SAMD14: variants seen among roughly 807,000 people sequenced by gnomAD.
SAMD14 encodes the protein sterile alpha motif domain-containing protein 14.
A neutral mutation model predicts 46.2 loss-of-function variants in SAMD14; 27 were observed. The ratio of observed to expected loss-of-function variants is 0.58; its 90% CI spans 0.43 to 0.81. The LOEUF is 0.81. Among genes scored for constraint, SAMD14 ranks in the 30% least tolerant of loss-of-function variants. The pLI, the probability that SAMD14 is intolerant of heterozygous loss-of-function variation, is 0.00. For synonymous variants in SAMD14, 241 were observed against 254.3 expected (o/e 0.95, Z 0.50); for missense variants, 559 against 582.2 (o/e 0.96, Z 0.41).
intron 3 of SAMD14, 119 bp from the exon 4 acceptor site, chr17:50,117,814 T>A: frequency 9.2e-7 from 1 of 1,091,056 alleles, no homozygotes; most frequent in Non-Finnish European, 1.2e-6. Flanking sequence ...AGAGGGAGGG[T>A]TTCCTCATGC....
rs927232428 is a variant in SAMD14, at chr17:50,114,648, C to T, written c.823-342G>A. 5.7e-6 allele frequency: 3 copies of T among 529,070 alleles called. No individual in the cohort carries two copies. The African/African-American group carries it at 5.8e-5, about 10-fold the overall frequency. 32.8% of individuals were successfully genotyped at this position (529,070 alleles called of 1,614,324 possible). A position where few individuals can be genotyped will look rare whatever the true frequency, so the allele number is the denominator to read the frequency against. ...TCTCTGCTATGCGCCTCCCGCCTGG[C>T]CTTAGTACCCCAGCTAATAAGTGCC... On this transcript the variant is annotated intron_variant, in intron 7 of 9. Coordinates refer to ENST00000330175, the MANE Select transcript of SAMD14 (RefSeq NM_001257359.2).
rs549197052 is a variant in SAMD14, at chr17:50,116,034, T to TATC, written c.553_555dup (p.Asp185dup). On this transcript the variant is annotated inframe_insertion, in exon 5 of 10. Transcript: ENST00000330175. ...TCCAGGAACTTTCGGCGAGTCTTCT[T>TATC]ATCGAGGCCGATGGTGGGGCTGGCG... The TATC allele has an allele frequency of 3.1e-4, 505 of 1,614,108 alleles. 6 individuals carry two copies. In the South Asian group the frequency reaches 5.1e-3, roughly 16 times the overall value.
chr17:50,117,322 C>A, intron 4 of SAMD14, 85 bp downstream of exon 4: 1 of 1,229,072 alleles, frequency 8.1e-7, no homozygotes, highest in Non-Finnish European at 1.0e-6. Context: ...GCTGCCCCTT[C>A]CGCGGCTGCG....
At position 50,117,612 on chromosome 17, in the gene SAMD14, G is replaced by A; in HGVS notation, c.294C>T (p.Phe98=). The A allele has an allele frequency of 6.4e-7, 1 of 1,557,534 alleles. No individual in the cohort carries two copies. The highest frequency in any genetic ancestry group is 8.6e-7 in the Non-Finnish European group (1 of 1,161,490). Residue 98 remains phenylalanine (F), a synonymous_variant, in exon 4 of 10, where the codon TTC becomes TTT. Transcript: ENST00000330175. ...SGPGSPAGGS[F]CLDPPGLRRS... is the part of the protein sequence containing the mutation. The stretch of plus-strand genomic sequence containing the variant: ...GCCGCAACCCCGGAGGATCCAGGCA[G>A]AAAGAGCCCCCGGCCGGGGACCCCG...
chr17:50,119,032 G>A (rs9915064), intron 2 of SAMD14, among the ~76,000 whole-genome samples: 5,201 of 152,274 alleles, frequency 0.034, 140 homozygotes, highest in African/African-American at 0.077. Context: ...TGTGCCACGC[G>A]CAGGGTCTCA....
chr17:50,119,236 C>T (rs1025816254), intron 2 of SAMD14, among the ~76,000 whole-genome samples: 2 of 152,176 alleles, frequency 1.3e-5, no homozygotes, highest in African/African-American at 4.8e-5. Context: ...CCCAGTGGGT[C>T]CAGCGTTAAA....
Position 50,115,455 on chromosome 17 carries a change from C to T in SAMD14, c.822+109G>A. ...ATCACTGCATGGCTCCATGGATGGA[C>T]AAATTGATTCCAGGAATGTCTGAAT... On this transcript the variant is annotated intron_variant, in intron 7 of 9. Coordinates refer to ENST00000330175, the MANE Select transcript of SAMD14 (RefSeq NM_001257359.2). The surrounding 1 kb of genome is among the most constrained non-coding windows in gnomAD (Gnocchi z 5.3). The T allele has an allele frequency of 8.2e-7, 1 of 1,225,898 alleles. No homozygotes were observed. Among genetic ancestry groups the T allele is most frequent in the Non-Finnish European group, 1.1e-6 (1 of 886,802 alleles). The allele number at this position is 1,225,898 out of a possible 1,614,324, so 75.9% of individuals were successfully genotyped here. A position where few individuals can be genotyped will look rare whatever the true frequency, so the allele number is the denominator to read the frequency against.
At chr17:50,118,988 C>G (rs1336908191) in intron 2 of SAMD14, among the ~76,000 whole-genome samples, 1 of 152,200 alleles carries the variant, frequency 6.6e-6, no homozygotes, top group Non-Finnish European at 1.5e-5. Flanking sequence ...TAGGCTGGCT[C>G]TAGAGACTGG....
At position 50,120,115 on chromosome 17, in the gene SAMD14, A is replaced by G. The variant is rs139476180; in HGVS notation, c.44-1788T>C. ...GGGGGAGGGCGTGGATGGGATAGAT[A>G]TGAAACTAGACTGGCTATGACTAGG... On this transcript the variant is annotated intron_variant, in intron 2 of 9. Transcript: ENST00000330175. Among the ~76,000 whole-genome samples, 247 of 152,338 alleles carry G rather than the reference A, an allele frequency of 1.6e-3. 1 individual carries two copies. The highest frequency in any genetic ancestry group is 4.5e-3 in the African/African-American group (186 of 41,580).
rs1910766978 is a variant in SAMD14 at position 50,110,349 on chromosome 17, AT to A, written c.*2543del. ...GAGGGTTAGGGATGTCTCCACCCTGATGGGGTGTCCCAGAGACATTTTCCCA... is the reference window on the plus strand; with the variant it reads ...GAGGGTTAGGGATGTCTCCACCCTGAGGGGTGTCCCAGAGACATTTTCCCA... On this transcript the variant is annotated 3_prime_UTR_variant, in exon 10 of 10. Coordinates refer to ENST00000330175, the MANE Select transcript of SAMD14 (RefSeq NM_001257359.2). 2 of 366,894 alleles carry A rather than the reference AT, an allele frequency of 5.5e-6. No individual in the cohort carries two copies. The highest frequency in any genetic ancestry group is 8.5e-5 in the East Asian group (2 of 23,534). 22.7% of individuals were successfully genotyped at this position (366,894 alleles called of 1,614,324 possible).
At chr17:50,114,631 A>G in intron 7 of SAMD14, 1 of 572,596 alleles carries the variant, frequency 1.7e-6, no homozygotes, top group Non-Finnish European at 3.0e-6. Flanking sequence ...TGTCTCTGCT[A>G]TGCGCCTCCC....
intron 2 of SAMD14, 114 bp from the exon 3 acceptor site, chr17:50,118,441 T>C (rs1911352366): frequency 1.6e-6 from 2 of 1,288,632 alleles, no homozygotes; most frequent in Non-Finnish European, 1.1e-6. Context: ...CCCGTGTTCT[T>C]GAGTGCTGGG....
chr17:50,128,237 C>G (rs144862114), intron 1 of SAMD14, among the ~76,000 whole-genome samples: 1 of 152,278 alleles, frequency 6.6e-6, no homozygotes, highest in East Asian at 1.9e-4. Flanking sequence ...CAGGCACCCT[C>G]TGGGCTGGAT....
intron 7 of SAMD14, 157 bp from the exon 8 acceptor site, chr17:50,114,463 C>T (rs2144393316): frequency 2.5e-6 from 4 of 1,604,324 alleles, no homozygotes; most frequent in Non-Finnish European, 3.4e-6. Flanking sequence ...CATGATAACT[C>T]ATGTCAGGCA....
At position 50,117,953 on chromosome 17, in the gene SAMD14, C is replaced by T. The variant is rs1039373722; in HGVS notation, c.210+208G>A. 1.3e-5 allele frequency: 9 copies of T among 670,912 alleles called. No individual in the cohort carries two copies. The African/African-American group carries it at 1.7e-4, about 13-fold the overall frequency. The allele number at this position is 670,912 out of a possible 1,614,324, so 41.6% of individuals were successfully genotyped here. On this transcript the variant is annotated intron_variant, in intron 3 of 9. Transcript: ENST00000330175. ...CCTGGACCTCTCAGGGCCTCAGTTTCCTCAGCTGTAAAATGGGGCTAATAA... is the reference window on the plus strand; with the variant it reads ...CCTGGACCTCTCAGGGCCTCAGTTTTCTCAGCTGTAAAATGGGGCTAATAA...
chr17:50,126,945 C>CA (rs1185002392), intron 1 of SAMD14, among the ~76,000 whole-genome samples: 1 of 151,190 alleles, frequency 6.6e-6, no homozygotes, highest in East Asian at 2.0e-4. Context: ...ACTAAAAACA[C>CA]AAAAATTAGT....
chr17:50,127,977 C>T (rs1376068166), intron 1 of SAMD14, among the ~76,000 whole-genome samples: 1 of 152,174 alleles, frequency 6.6e-6, no homozygotes, highest in Non-Finnish European at 1.5e-5. Flanking sequence ...CTTCATACTT[C>T]ACTGATTCCT....
chr17:50,128,435 C>T (rs1163891316), intron 1 of SAMD14, among the ~76,000 whole-genome samples: 1 of 144,636 alleles, frequency 6.9e-6, no homozygotes, highest in Non-Finnish European at 1.5e-5. Context: ...AAATTAGACA[C>T]CAAACCCGCC....
Position 50,116,037 on chromosome 17 carries a change from C to A in SAMD14, c.553G>T (p.Asp185Tyr). Reference protein sequence around the residue: ...PEPASPTIGLDKKTRRKFLDL... With the variant: ...PEPASPTIGLYKKTRRKFLDL... ...AGGAACTTTCGGCGAGTCTTCTTAT[C>A]GAGGCCGATGGTGGGGCTGGCGGGC... Residue 185 changes from aspartate (D) to tyrosine (Y), a missense_variant, in exon 5 of 10, where the codon GAT (aspartate) becomes TAT (tyrosine). By Grantham distance (160) the Asp-to-Tyr change is radical (BLOSUM62 -3). Transcript: ENST00000330175. The A allele has an allele frequency of 6.2e-7, 1 of 1,614,118 alleles. No individual in the cohort carries two copies. Among genetic ancestry groups the A allele is most frequent in the Non-Finnish European group, 8.5e-7 (1 of 1,179,962 alleles).
Sources: allele counts gnomAD v4.1 joint callset (sites outside exome capture counted in the v4.1 genomes callset), GRCh38; gene constraint gnomAD v4.1.1; non-coding constraint Gnocchi (gnomAD v3.1); transcripts MANE v1.5; gene names NCBI Gene and HGNC (gene_info 2026-07-23, HGNC 2026-07-21).